TMCC1: variants seen among roughly 807,000 people sequenced by gnomAD.
TMCC1 encodes the protein transmembrane and coiled-coil domain family 1, also known as transmembrane and coiled-coil domains protein 1.
In TMCC1, 15 loss-of-function variants were observed where a neutral mutation model predicts 52.4. The observed-to-expected ratio is 0.29, with a 90% confidence interval of 0.19 to 0.44. TMCC1 has a LOEUF of 0.44. Ranked by LOEUF, TMCC1 falls within the 20% of genes least tolerant of loss-of-function variation. The pLI, the probability that TMCC1 is intolerant of heterozygous loss-of-function variation, is 1.00. For missense variants in TMCC1, 503 were observed against 806.0 expected (o/e 0.62, Z 4.55); for synonymous variants, 279 against 301.9 (o/e 0.92, Z 0.79).
chr3:129,722,536 T>C (rs952206689), intron 4 of TMCC1, among the ~76,000 whole-genome samples: 17 of 152,196 alleles, frequency 1.1e-4, no homozygotes, highest in African/African-American at 4.1e-4. Context: ...TCATACTGTC[T>C]CTACTCTTAT....
chr3:129,866,956 A>G (rs1158391779), intron 2 of TMCC1: 1 of 152,172 alleles, frequency 6.6e-6, no homozygotes, highest in Non-Finnish European at 1.5e-5. Flanking sequence ...TATCAACAAT[A>G]TTTTTATAAA....
intron 4 of TMCC1, among the ~76,000 whole-genome samples, chr3:129,739,486 T>A (rs1320168998): frequency 2.0e-5 from 3 of 152,190 alleles, no homozygotes; most frequent in Admixed American, 6.5e-5. Flanking sequence ...TATAACCATC[T>A]ACAACAATAA....
chr3:129,666,145 C>T lies in TMCC1; in HGVS notation c.1511+4185G>A, dbSNP rs578010004. ...CTTTCTTCCTACACAAAAAGCAAAG[C>T]CTACAACAGAGTAGAAGTAGAATTA... is the stretch of plus-strand genomic sequence containing the variant. On this transcript the variant is annotated intron_variant, in intron 5 of 6. Transcript: ENST00000393238. Among the ~76,000 whole-genome samples, 4 of 152,250 alleles carry T rather than the reference C, an allele frequency of 2.6e-5. 1 individual carries two copies. In the South Asian group the frequency reaches 8.3e-4, roughly 32 times the overall value.
At chr3:129,661,252 C>T (rs2087004651) in intron 5 of TMCC1, among the ~76,000 whole-genome samples, 1 of 152,078 alleles carries the variant, frequency 6.6e-6, no homozygotes, top group South Asian at 2.1e-4. Flanking sequence ...ATAGCAAAAC[C>T]CTGTCTTTAC....
intron 2 of TMCC1, among the ~76,000 whole-genome samples, chr3:129,870,186 C>T (rs922233541): frequency 2.0e-5 from 3 of 152,004 alleles, no homozygotes; most frequent in East Asian, 3.8e-4. Flanking sequence ...CTTGTCTACA[C>T]ATTTTTTTAA....
At chr3:129,814,089 T>C (rs1306551254) in intron 4 of TMCC1, among the ~76,000 whole-genome samples, 3 of 152,004 alleles carry the variant, frequency 2.0e-5, no homozygotes, top group Non-Finnish European at 4.4e-5. Flanking sequence ...TAGGCTTGCA[T>C]TTCCTATGTG....
intron 4 of TMCC1, among the ~76,000 whole-genome samples, chr3:129,821,068 CTTATGTGT>C (rs1269249519): frequency 2.6e-4 from 40 of 152,230 alleles, no homozygotes; most frequent in Middle Eastern, 3.4e-3. Context: ...AAGTTTTTTT[CTTATGTGT>C]TTTAGGAAAA....
At chr3:129,727,869 T>C (rs932051910) in intron 4 of TMCC1, among the ~76,000 whole-genome samples, 1 of 152,204 alleles carries the variant, frequency 6.6e-6, no homozygotes, top group Non-Finnish European at 1.5e-5. Flanking sequence ...AGAGACTTGT[T>C]AAGTTCTTGC....
intron 4 of TMCC1, among the ~76,000 whole-genome samples, chr3:129,777,544 T>C (rs1366469659): frequency 6.6e-6 from 1 of 152,196 alleles, no homozygotes; most frequent in Non-Finnish European, 1.5e-5. Context: ...CAGTGCAAGG[T>C]AATGTGACTC....
At chr3:129,712,589 A>C (rs2048781458) in intron 4 of TMCC1, among the ~76,000 whole-genome samples, 1 of 152,020 alleles carries the variant, frequency 6.6e-6, no homozygotes. Context: ...CTGGAACTAC[A>C]GGCACATACT....
intron 2 of TMCC1, among the ~76,000 whole-genome samples, chr3:129,859,181 T>A (rs1481719525): frequency 1.3e-5 from 2 of 152,176 alleles, no homozygotes; most frequent in Non-Finnish European, 2.9e-5. Context: ...TAAATCTTAC[T>A]CAAGGAGAAA....
intron 4 of TMCC1, among the ~76,000 whole-genome samples, chr3:129,816,873 T>C (rs1047394821): frequency 5.4e-4 from 81 of 150,608 alleles, no homozygotes; most frequent in African/African-American, 1.9e-3. Flanking sequence ...AAAATAAAAA[T>C]AAAAAATAAG....
intron 2 of TMCC1, among the ~76,000 whole-genome samples, chr3:129,865,289 G>A (rs2060571230): frequency 1.3e-5 from 2 of 151,826 alleles, no homozygotes; most frequent in African/African-American, 4.8e-5. Context: ...AGCTCCCACT[G>A]GAAGTACAGG....
rs2086307279 is a variant in TMCC1, at chr3:129,651,327, G to A, written c.*154C>T. The A allele has an allele frequency of 1.5e-5, 13 of 865,802 alleles. No homozygotes were observed. The Middle Eastern group carries it at 8.4e-4, about 56-fold the overall frequency. The allele number at this position is 865,802 out of a possible 1,614,324, so 53.6% of individuals were successfully genotyped here. On this transcript the variant is annotated 3_prime_UTR_variant, in exon 7 of 7. Transcript: ENST00000393238. The surrounding 1 kb of genome is among the most constrained non-coding windows in gnomAD (Gnocchi z 5.1). ...AAATCTAAAAAATACTATTGCAATTGCGTCTCTTGAAGAAAAAAACATTAT... is the reference window on the plus strand; with the variant it reads ...AAATCTAAAAAATACTATTGCAATTACGTCTCTTGAAGAAAAAAACATTAT...
intron 2 of TMCC1, among the ~76,000 whole-genome samples, chr3:129,879,114 A>C (rs1211442064): frequency 6.6e-6 from 1 of 152,180 alleles, no homozygotes; most frequent in Non-Finnish European, 1.5e-5. Flanking sequence ...AGAATTTGTC[A>C]TCATAAATTT....
intron 1 of TMCC1, among the ~76,000 whole-genome samples, chr3:129,881,062 C>T (rs1379272110): frequency 6.6e-6 from 1 of 152,032 alleles, no homozygotes; most frequent in African/African-American, 2.4e-5. Flanking sequence ...CTGGGTTTCA[C>T]CATGTTGGCC....
intron 2 of TMCC1, among the ~76,000 whole-genome samples, chr3:129,854,389 A>G (rs988113971): frequency 2.6e-3 from 17 of 6,528 alleles, no homozygotes; most frequent in Non-Finnish European, 0.011. Context: ...CTCTGTGTCA[A>G]AAAAAAAAGA....
At chr3:129,838,372 G>A (rs192296106) in intron 2 of TMCC1, among the ~76,000 whole-genome samples, 1 of 152,084 alleles carries the variant, frequency 6.6e-6, no homozygotes, top group East Asian at 1.9e-4. Flanking sequence ...GCGTCCCACT[G>A]CATTCCAGCC....
chr3:129,705,605 C>CTT (rs1277305226), intron 4 of TMCC1, among the ~76,000 whole-genome samples: 32 of 138,844 alleles, frequency 2.3e-4, no homozygotes, highest in East Asian at 8.3e-4. Context: ...ATTTGAAACA[C>CTT]TTTTTTTTTT....
Sources: gnomAD v4.1 joint callset for allele counts (sites outside exome capture counted in the v4.1 genomes callset) on GRCh38, gnomAD v4.1.1 for gene constraint, Gnocchi (gnomAD v3.1) non-coding constraint, MANE v1.5 for transcripts, NCBI Gene and HGNC (gene_info 2026-07-23, HGNC 2026-07-21) for gene names.